The following BICD2 variants were observed in gnomAD, a reference collection of about 807,000 sequenced individuals.
The protein encoded by BICD2 is BICD cargo adaptor 2.
Under a neutral mutation model 72.9 loss-of-function variants are expected in BICD2, and 25 were observed. That is an observed-to-expected ratio of 0.34 (90% CI 0.25 to 0.48). The LOEUF (loss-of-function observed/expected upper bound fraction) is 0.48, where lower values mean the gene tolerates loss of function less well. Among genes scored for constraint, BICD2 ranks in the 20% least tolerant of loss-of-function variants. The pLI is 0.99. For missense variants in BICD2, 894 were observed against 1,175.2 expected, an observed-to-expected ratio of 0.76 and a Z score of 3.50; for synonymous variants, 501 against 516.1, an observed-to-expected ratio of 0.97 and a Z score of 0.40.
Position 92,711,728 on chromosome 9 carries a change from A to G in BICD2, c.*3426T>C, listed in dbSNP as rs1853198605. The G allele has an allele frequency of 6.6e-6, 1 of 152,666 alleles. No homozygotes were observed. Among genetic ancestry groups the G allele is most frequent in the South Asian group, 2.1e-4 (1 of 4,824 alleles). 9.5% of individuals were successfully genotyped at this position (152,666 alleles called of 1,614,324 possible). A position where few individuals can be genotyped will look rare whatever the true frequency, so the allele number is the denominator to read the frequency against. On this transcript the variant is annotated 3_prime_UTR_variant, in exon 7 of 7. Coordinates refer to ENST00000356884, the MANE Select transcript of BICD2 (RefSeq NM_001003800.2). ...AGATGAAGTTATCTCAAATGTAACA[A>G]TATTTCTTATGAATCAACACTGTAA...
chr9:92,716,553 G>C (rs1853318041), intron 6 of BICD2, among the ~76,000 whole-genome samples: 1 of 152,160 alleles, frequency 6.6e-6, no homozygotes, highest in African/African-American at 2.4e-5. Flanking sequence ...ACCCTGTCCA[G>C]CTCAGATCCT....
chr9:92,722,339 G>A (rs1188577490), intron 3 of BICD2, among the ~76,000 whole-genome samples: 1 of 152,164 alleles, frequency 6.6e-6, no homozygotes, highest in African/African-American at 2.4e-5. Context: ...GCACCTGATG[G>A]GGGAGTCTCA....
Position 92,764,825 on chromosome 9 carries a change from C to CGCCGCCCTGCCCCGACG in BICD2, c.-82_-81insCGTCGGGGCAGGGCGGC. ...CAGCCGCCGCCGCTGCCGCCGCCGCCGCCGCCCTGCCCCGACGGCCGCCCG... is the reference window on the plus strand; with the variant it reads ...CAGCCGCCGCCGCTGCCGCCGCCGCCGCCGCCCTGCCCCGACGGCCGCCCTGCCCCGACGGCCGCCCG... On this transcript the variant is annotated 5_prime_UTR_variant, in exon 1 of 7. Transcript: ENST00000356884. This position sits in a 1 kb window ranked among gnomAD's most constrained non-coding sequence, Gnocchi z 5.5. The CGCCGCCCTGCCCCGACG allele has an allele frequency of 3.6e-6, 4 of 1,114,054 alleles. No homozygotes were observed. Among genetic ancestry groups the CGCCGCCCTGCCCCGACG allele is most frequent in the Non-Finnish European group, 4.4e-6 (4 of 910,710 alleles). 69.0% of individuals were successfully genotyped at this position (1,114,054 alleles called of 1,614,324 possible). A position where few individuals can be genotyped will look rare whatever the true frequency, so the allele number is the denominator to read the frequency against.
At chr9:92,742,259 C>T (rs920248395) in intron 1 of BICD2, among the ~76,000 whole-genome samples, 3 of 152,050 alleles carry the variant, frequency 2.0e-5, no homozygotes, top group Admixed American at 2.0e-4. Flanking sequence ...CTTACCTCCA[C>T]CAAAAAATGT....
intron 6 of BICD2, among the ~76,000 whole-genome samples, chr9:92,716,067 C>T (rs566236736): frequency 1.3e-5 from 2 of 152,292 alleles, no homozygotes; most frequent in African/African-American, 4.8e-5. Context: ...TGCCCTTCTT[C>T]CACATGTCCC....
rs866119388 is a variant in BICD2, at chr9:92,720,189, C to T, written c.1062+111G>A. On this transcript the variant is annotated intron_variant, in intron 4 of 6. Transcript: ENST00000356884. The surrounding 1 kb of genome is among the most constrained non-coding windows in gnomAD (Gnocchi z 5.4). ...GTAATGATGCAGGAGATAAAATCAACGTAAGGAAAAGGGAAAGTTAACATC... is the reference window on the plus strand; with the variant it reads ...GTAATGATGCAGGAGATAAAATCAATGTAAGGAAAAGGGAAAGTTAACATC... 1.9e-5 allele frequency: 21 copies of T among 1,098,894 alleles called. No individual in the cohort carries two copies. The Middle Eastern group carries it at 1.2e-3, about 62-fold the overall frequency. 68.1% of individuals were successfully genotyped at this position (1,098,894 alleles called of 1,614,324 possible). A position where few individuals can be genotyped will look rare whatever the true frequency, so the allele number is the denominator to read the frequency against.
At chr9:92,761,807 T>C (rs549856907) in intron 1 of BICD2, among the ~76,000 whole-genome samples, 5 of 152,228 alleles carry the variant, frequency 3.3e-5, no homozygotes, top group African/African-American at 9.6e-5. Flanking sequence ...GGGACAGATA[T>C]GGTCTTAACT....
At chr9:92,722,888 G>A (rs1853493756) in intron 2 of BICD2, 80 bp from the exon 3 acceptor site, 1 of 1,564,258 alleles carries the variant, frequency 6.4e-7, no homozygotes, top group Non-Finnish European at 8.7e-7. Context: ...GGCACGCCAT[G>A]GCCAGCCATA....
intron 1 of BICD2, among the ~76,000 whole-genome samples, chr9:92,732,149 A>G (rs1207346362): frequency 6.6e-6 from 1 of 152,264 alleles, no homozygotes; most frequent in Non-Finnish European, 1.5e-5. Flanking sequence ...AAAGATCCAG[A>G]TAGAACTTCT....
rs1256017413 is a variant in BICD2, at chr9:92,751,977, G to T, written c.240+12528C>A. ...CCACCACCACGAACAGCTAATTTTTGTATTTTTAGTAGAGACGAGGTTTCC... is the reference window on the plus strand; with the variant it reads ...CCACCACCACGAACAGCTAATTTTTTTATTTTTAGTAGAGACGAGGTTTCC... On this transcript the variant is annotated intron_variant, in intron 1 of 6. Transcript: ENST00000356884. 2.6e-5 allele frequency among the ~76,000 whole-genome samples: 4 copies of T among 152,042 alleles called. No homozygotes were observed. In the East Asian group the frequency reaches 7.7e-4, roughly 29 times the overall value.
At position 92,713,598 on chromosome 9, in the gene BICD2, G is replaced by A; in HGVS notation, c.*1556C>T. ...AAGAGAAGACCTGCATGTGTTAGCA[G>A]GGGTCCCAGTGGCTTGGGTGTCTGC... On this transcript the variant is annotated 3_prime_UTR_variant, in exon 7 of 7. Coordinates refer to ENST00000356884, the MANE Select transcript of BICD2 (RefSeq NM_001003800.2). 6.5e-7 allele frequency: 1 copy of A among 1,531,284 alleles called. No individual in the cohort carries two copies. The allele number at this position is 1,531,284 out of a possible 1,614,324, so 94.9% of individuals were successfully genotyped here.
At position 92,740,537 on chromosome 9, in the gene BICD2, A is replaced by AG. The variant is rs1343250346; in HGVS notation, c.241-11302dup. ...AAAGCAGTACTGTGCTGGGGCGGGG[A>AG]GGGGGGGCGTTGTGGTGGATTGCAC... On this transcript the variant is annotated intron_variant, in intron 1 of 6. Transcript: ENST00000356884. Among the ~76,000 whole-genome samples the AG allele has an allele frequency of 1.7e-4, 24 of 143,896 alleles. No individual in the cohort carries two copies. The East Asian group carries it at 1.9e-3, about 11-fold the overall frequency. The allele number at this position is 143,896 out of a possible 152,430, so 94.4% of individuals were successfully genotyped here.
intron 1 of BICD2, among the ~76,000 whole-genome samples, chr9:92,754,184 T>C (rs953949829): frequency 3.3e-5 from 5 of 150,474 alleles, no homozygotes; most frequent in African/African-American, 4.9e-5. Flanking sequence ...ACAATACACA[T>C]GACACTTTAT....
intron 1 of BICD2, among the ~76,000 whole-genome samples, chr9:92,750,504 T>G (rs1016360812): frequency 6.6e-6 from 1 of 151,890 alleles, no homozygotes; most frequent in Non-Finnish European, 1.5e-5. Flanking sequence ...AAATCTTAAG[T>G]GCATATTGCT....
At chr9:92,762,085 G>A (rs1405009938) in intron 1 of BICD2, among the ~76,000 whole-genome samples, 1 of 152,146 alleles carries the variant, frequency 6.6e-6, no homozygotes, top group African/African-American at 2.4e-5. Context: ...ATGCAGGGCA[G>A]AAGTACAAGC....
chr9:92,751,681 T>C (rs1353302146), intron 1 of BICD2, among the ~76,000 whole-genome samples: 1 of 152,138 alleles, frequency 6.6e-6, no homozygotes, highest in East Asian at 1.9e-4. Context: ...GGGAAGGTGG[T>C]AAGAACGATC....
intron 1 of BICD2, among the ~76,000 whole-genome samples, chr9:92,757,310 TCCAAAA>T (rs1854279947): frequency 1.6e-5 from 1 of 60,972 alleles, no homozygotes; most frequent in Admixed American, 2.7e-4. Flanking sequence ...CGAGACTGTC[TCCAAAA>T]AAAAAAAAAA....
chr9:92,730,671 T>A (rs1444290284), intron 1 of BICD2, among the ~76,000 whole-genome samples: 1 of 152,168 alleles, frequency 6.6e-6, no homozygotes, highest in Non-Finnish European at 1.5e-5. Context: ...TGTGTGTGTG[T>A]CTCGTGGTGT....
intron 1 of BICD2, among the ~76,000 whole-genome samples, chr9:92,737,074 C>A (rs1267467353): frequency 2.0e-5 from 3 of 152,116 alleles, no homozygotes; most frequent in Non-Finnish European, 4.4e-5. Flanking sequence ...GTGCCCACCA[C>A]CCCCATCTCA....
Sources: gnomAD v4.1 joint callset for allele counts (sites outside exome capture counted in the v4.1 genomes callset) on GRCh38, gnomAD v4.1.1 for gene constraint, Gnocchi (gnomAD v3.1) non-coding constraint, MANE v1.5 for transcripts, NCBI Gene and HGNC (gene_info 2026-07-23, HGNC 2026-07-21) for gene names.